MBOAT2: variants seen among roughly 807,000 people sequenced by gnomAD.
MBOAT2 encodes membrane bound glycerophospholipid O-acyltransferase 2.
MBOAT2 carries 28 observed loss-of-function variants against 63.4 expected under a neutral mutation model. The ratio of observed to expected loss-of-function variants is 0.44; its 90% CI spans 0.33 to 0.61. MBOAT2 has a LOEUF of 0.61. Ranked by LOEUF, MBOAT2 falls within the 20% of genes least tolerant of loss-of-function variation. MBOAT2 has a pLI of 0.03. For synonymous variants in MBOAT2, 211 were observed against 215.6 expected (o/e 0.98, Z 0.19); for missense variants, 470 against 605.8 (o/e 0.78, Z 2.35).
chr2:8,952,909 C>A (rs550249330), intron 2 of MBOAT2, among the ~76,000 whole-genome samples: 7 of 152,168 alleles, frequency 4.6e-5, no homozygotes, highest in African/African-American at 1.7e-4. Context: ...AAGAATGGGT[C>A]TTTTGTTTTT....
intron 3 of MBOAT2, among the ~76,000 whole-genome samples, chr2:8,923,842 T>A (rs574758743): frequency 6.6e-6 from 1 of 152,310 alleles, no homozygotes; most frequent in South Asian, 2.1e-4. Context: ...GACAAGTTCA[T>A]CCAGTTGTAC....
intron 3 of MBOAT2, among the ~76,000 whole-genome samples, chr2:8,929,616 G>A (rs1450188003): frequency 6.6e-6 from 1 of 152,244 alleles, no homozygotes; most frequent in Non-Finnish European, 1.5e-5. Flanking sequence ...GCCTCTCAAA[G>A]TGTTAGGATT....
At position 8,958,623 on chromosome 2, in the gene MBOAT2, T is replaced by C; in HGVS notation, c.95A>G (p.Gln32Arg). 6.2e-7 allele frequency: 1 copy of C among 1,602,348 alleles called. No homozygotes were observed. Among genetic ancestry groups the C allele is most frequent in the Non-Finnish European group, 8.5e-7 (1 of 1,176,618 alleles). The change falls in exon 2 of 13, where the codon CAA (glutamine) becomes CGA (arginine). Residue 32 changes from glutamine (Q) to arginine (R), a missense_variant. Gln to Arg is a conservative substitution (Grantham distance 43). Coordinates refer to ENST00000305997, the MANE Select transcript of MBOAT2 (RefSeq NM_138799.4). ...PIDQVNFVVC[Q>R]LFALLAAIWF... is the part of the protein sequence containing the mutation. ...AATGGCTGCTAGCAAGGCAAAGAGTTGGCACACTACAAAGTTGACCTGTAA... is the reference window on the plus strand; with the variant it reads ...AATGGCTGCTAGCAAGGCAAAGAGTCGGCACACTACAAAGTTGACCTGTAA...
chr2:8,986,207 C>CAA (rs749608343), intron 1 of MBOAT2, among the ~76,000 whole-genome samples: 58 of 74,378 alleles, frequency 7.8e-4, no homozygotes, highest in South Asian at 3.3e-3. Context: ...ACAAGGTCAC[C>CAA]AAAAAAAAAA....
intron 6 of MBOAT2, among the ~76,000 whole-genome samples, chr2:8,878,936 C>T (rs1662903480): frequency 6.6e-6 from 1 of 151,530 alleles, no homozygotes; most frequent in Admixed American, 6.6e-5. Flanking sequence ...ATTAGCCGGG[C>T]GTAGTGGCGG....
intron 3 of MBOAT2, among the ~76,000 whole-genome samples, chr2:8,926,148 G>A (rs1666916288): frequency 6.6e-6 from 1 of 152,068 alleles, no homozygotes; most frequent in South Asian, 2.1e-4. Context: ...ATTTGAGACA[G>A]AGTCTCAATC....
chr2:8,933,874 G>GA (rs202036361), intron 3 of MBOAT2, among the ~76,000 whole-genome samples: 8 of 150,054 alleles, frequency 5.3e-5, no homozygotes, highest in East Asian at 2.0e-4. Flanking sequence ...CTCGATCCAA[G>GA]AAAAAAAAAG....
chr2:8,885,136 A>G (rs1663452414), intron 5 of MBOAT2, among the ~76,000 whole-genome samples: 1 of 152,168 alleles, frequency 6.6e-6, no homozygotes, highest in South Asian at 2.1e-4. Context: ...CGTATCTTCC[A>G]CTGTTTAGTA....
chr2:8,951,207 CTT>C (rs538984583), intron 2 of MBOAT2, among the ~76,000 whole-genome samples: 106 of 138,582 alleles, frequency 7.6e-4, no homozygotes, highest in African/African-American at 2.2e-3. Flanking sequence ...CTGGTACCAG[CTT>C]TTTTTTTTTT....
At chr2:8,954,898 T>C (rs1300131645) in intron 2 of MBOAT2, among the ~76,000 whole-genome samples, 1 of 152,178 alleles carries the variant, frequency 6.6e-6, no homozygotes, top group Non-Finnish European at 1.5e-5. Context: ...CATACCACAG[T>C]ATCAGTAGAG....
At chr2:8,911,008 G>A (rs1181802632) in intron 3 of MBOAT2, among the ~76,000 whole-genome samples, 1 of 152,158 alleles carries the variant, frequency 6.6e-6, no homozygotes, top group Non-Finnish European at 1.5e-5. Flanking sequence ...GACTGGGTCT[G>A]GGCCCTAAAT....
chr2:8,861,321 T>C (rs1416720455), intron 11 of MBOAT2, among the ~76,000 whole-genome samples: 2 of 152,182 alleles, frequency 1.3e-5, no homozygotes, highest in Middle Eastern at 3.2e-3. Context: ...CATAGATACC[T>C]GGTAATTCTA....
At chr2:8,997,455 T>G (rs1362259970) in intron 1 of MBOAT2, among the ~76,000 whole-genome samples, 1 of 152,178 alleles carries the variant, frequency 6.6e-6, no homozygotes, top group Non-Finnish European at 1.5e-5. Flanking sequence ...AAAACTAGAT[T>G]TTAATCCTAG....
chr2:8,990,344 T>C (rs981176330), intron 1 of MBOAT2, among the ~76,000 whole-genome samples: 6 of 152,228 alleles, frequency 3.9e-5, no homozygotes, highest in African/African-American at 1.2e-4. Flanking sequence ...TTAATATTTT[T>C]ATATTATTTT....
At chr2:8,884,850 A>G (rs1272174877) in intron 5 of MBOAT2, among the ~76,000 whole-genome samples, 1 of 152,250 alleles carries the variant, frequency 6.6e-6, no homozygotes, top group Non-Finnish European at 1.5e-5. Flanking sequence ...TCTCAGTTCA[A>G]AACTTGGGAA....
intron 8 of MBOAT2, among the ~76,000 whole-genome samples, chr2:8,870,540 ATT>A (rs1453538741): frequency 2.0e-5 from 3 of 152,168 alleles, no homozygotes; most frequent in African/African-American, 7.2e-5. Context: ...TTAAACTCCA[ATT>A]TTACAACCAA....
chr2:8,870,490 G>C (rs1402889016), intron 8 of MBOAT2, among the ~76,000 whole-genome samples: 1 of 152,062 alleles, frequency 6.6e-6, no homozygotes, highest in East Asian at 1.9e-4. Flanking sequence ...TGGAACTCTT[G>C]GACTTCCCAA....
chr2:8,916,592 G>A (rs1339152554), intron 3 of MBOAT2, among the ~76,000 whole-genome samples: 1 of 152,136 alleles, frequency 6.6e-6, no homozygotes, highest in African/African-American at 2.4e-5. Context: ...TCTCAAAAAA[G>A]GAAAAACAGG....
intron 9 of MBOAT2, among the ~76,000 whole-genome samples, chr2:8,867,437 G>GTGC (rs1219486340): frequency 6.6e-6 from 1 of 152,074 alleles, no homozygotes; most frequent in Non-Finnish European, 1.5e-5. Context: ...GAACTGCCAC[G>GTGC]TGCTGATAGT....
Sources: gnomAD v4.1 joint callset for allele counts (sites outside exome capture counted in the v4.1 genomes callset) on GRCh38, gnomAD v4.1.1 for gene constraint, MANE v1.5 for transcripts, NCBI Gene and HGNC (gene_info 2026-07-23, HGNC 2026-07-21) for gene names.